The following IL1RAPL2 variants were observed in gnomAD, a reference collection of about 807,000 sequenced individuals.
IL1RAPL2 encodes the protein X-linked interleukin-1 receptor accessory protein-like 2.
In IL1RAPL2, 3 loss-of-function variants were observed where a neutral mutation model predicts 44.1. The observed-to-expected ratio is 0.07, with a 90% confidence interval of 0.03 to 0.18. The LOEUF (loss-of-function observed/expected upper bound fraction) is 0.18. Among genes scored for constraint, IL1RAPL2 ranks in the 10% least tolerant of loss-of-function variants. The pLI is 1.00. For missense variants in IL1RAPL2, 391 were observed against 496.4 expected, an observed-to-expected ratio of 0.79 and a Z score of 2.02; for synonymous variants, 181 against 178.8, an observed-to-expected ratio of 1.01 and a Z score of -0.10.
intron 2 of IL1RAPL2, among the ~76,000 whole-genome samples, chrX:104,755,392 C>T (rs765668825): frequency 9.3e-6 from 1 of 107,719 alleles, no homozygotes; most frequent in African/African-American, 3.4e-5. Flanking sequence ...ATCATAAAAA[C>T]AAAAAAAAAT....
At chrX:105,360,297 A>G (rs2035238662) in intron 5 of IL1RAPL2, among the ~76,000 whole-genome samples, 1 of 111,167 alleles carries the variant, frequency 9.0e-6, no homozygotes, top group Non-Finnish European at 1.9e-5. Context: ...GCCTATGTCA[A>G]TTGGATTGAT....
intron 5 of IL1RAPL2, among the ~76,000 whole-genome samples, chrX:105,481,035 G>T (rs897461804): frequency 2.7e-5 from 3 of 111,997 alleles, no homozygotes; most frequent in African/African-American, 6.5e-5. Context: ...AGGGGGAAAA[G>T]GTGTATATGT....
chrX:104,886,050 G>A (rs766329682), intron 2 of IL1RAPL2, among the ~76,000 whole-genome samples: 1 of 112,903 alleles, frequency 8.9e-6, no homozygotes, highest in Non-Finnish European at 1.9e-5. Flanking sequence ...CACTGGCACA[G>A]CCTTCTCAGT....
chrX:105,400,011 G>C (rs1476281059), intron 5 of IL1RAPL2, among the ~76,000 whole-genome samples: 1 of 111,277 alleles, frequency 9.0e-6, no homozygotes, highest in African/African-American at 3.3e-5. Flanking sequence ...TGGGAAGTGA[G>C]AACAGTCTCC....
intron 2 of IL1RAPL2, among the ~76,000 whole-genome samples, chrX:104,759,800 TAACA>T (rs1932397401): frequency 1.8e-5 from 2 of 111,848 alleles, no homozygotes; most frequent in Admixed American, 9.5e-5. Context: ...TTCCATTGAG[TAACA>T]AACAATTCAG....
chrX:105,242,927 C>T (rs1556210057), intron 4 of IL1RAPL2, among the ~76,000 whole-genome samples: 3 of 109,995 alleles, frequency 2.7e-5, no homozygotes, highest in Non-Finnish European at 3.8e-5. Flanking sequence ...TGTGAAACTC[C>T]GTCTCTACTA....
At chrX:104,861,400 G>A (rs1288201340) in intron 2 of IL1RAPL2, among the ~76,000 whole-genome samples, 1 of 111,446 alleles carries the variant, frequency 9.0e-6, no homozygotes, top group African/African-American at 3.3e-5. Flanking sequence ...TCCCTTTATA[G>A]TGGAAGACAG....
chrX:104,596,883 C>G (rs746947867), intron 1 of IL1RAPL2, among the ~76,000 whole-genome samples: 1 of 111,248 alleles, frequency 9.0e-6, no homozygotes, highest in Non-Finnish European at 1.9e-5. Context: ...TTCAAAGTAG[C>G]TGAGGCATAC....
chrX:105,225,524 A>T (rs947998645), intron 3 of IL1RAPL2, among the ~76,000 whole-genome samples: 16 of 111,067 alleles, frequency 1.4e-4, no homozygotes, highest in Middle Eastern at 4.7e-3. Flanking sequence ...TATGCCAGGC[A>T]CTGTGCTATG....
intron 2 of IL1RAPL2, among the ~76,000 whole-genome samples, chrX:105,102,543 CACTT>C (rs1384715768): frequency 7.1e-5 from 8 of 112,024 alleles, no homozygotes; most frequent in African/African-American, 2.3e-4. Context: ...TGTGTACACA[CACTT>C]ACATAACCAA....
At chrX:104,582,597 T>TC (rs1928382356) in intron 1 of IL1RAPL2, among the ~76,000 whole-genome samples, 16 of 28,614 alleles carry the variant, frequency 5.6e-4, no homozygotes, top group Middle Eastern at 0.015. Context: ...TTTCTTTCTT[T>TC]TTCTTTCTTT....
chrX:104,839,637 G>T (rs1012641475), intron 2 of IL1RAPL2, among the ~76,000 whole-genome samples: 4 of 111,816 alleles, frequency 3.6e-5, no homozygotes, highest in Admixed American at 9.5e-5. Flanking sequence ...TTTTTCAATT[G>T]TTTGGAGTAG....
At chrX:105,392,317 G>A in intron 5 of IL1RAPL2, among the ~76,000 whole-genome samples, 1 of 110,282 alleles carries the variant, frequency 9.1e-6, no homozygotes, top group African/African-American at 3.3e-5. Flanking sequence ...AATATTCTTA[G>A]GTAGCAGAGG....
intron 6 of IL1RAPL2, among the ~76,000 whole-genome samples, chrX:105,687,603 G>A (rs908203434): frequency 1.8e-5 from 2 of 111,189 alleles, no homozygotes; most frequent in Non-Finnish European, 3.8e-5. Flanking sequence ...ACCAAAAAAA[G>A]TCCAGGACCA....
At chrX:105,006,144 A>C (rs2030937780) in intron 2 of IL1RAPL2, among the ~76,000 whole-genome samples, 1 of 110,942 alleles carries the variant, frequency 9.0e-6, no homozygotes, top group African/African-American at 3.3e-5. Flanking sequence ...TTGCAAATGC[A>C]ATTATCAGCT....
At chrX:104,819,104 C>T (rs772906004) in intron 2 of IL1RAPL2, among the ~76,000 whole-genome samples, 26 of 111,780 alleles carry the variant, frequency 2.3e-4, no homozygotes, top group Admixed American at 2.0e-3. Flanking sequence ...TTTAGAGTGC[C>T]GTATCCTAAA....
intron 2 of IL1RAPL2, among the ~76,000 whole-genome samples, chrX:104,692,023 C>T (rs1009569359): frequency 8.9e-6 from 1 of 111,737 alleles, no homozygotes. Flanking sequence ...GAAGTGGAAT[C>T]TTGCTCTCTT....
intron 5 of IL1RAPL2, among the ~76,000 whole-genome samples, chrX:105,320,223 C>T (rs1283847360): frequency 2.7e-5 from 3 of 111,828 alleles, no homozygotes; most frequent in East Asian, 2.8e-4. Context: ...AGAACTCTTA[C>T]ATTGAACTGA....
At chrX:104,919,017 G>C (rs922523482) in intron 2 of IL1RAPL2, among the ~76,000 whole-genome samples, 1 of 111,357 alleles carries the variant, frequency 9.0e-6, no homozygotes, top group Non-Finnish European at 1.9e-5. Context: ...AAAATTCATA[G>C]ATGATAATCT....
Sources: gnomAD v4.1 joint callset for allele counts (sites outside exome capture counted in the v4.1 genomes callset) on GRCh38, gnomAD v4.1.1 for gene constraint, MANE v1.5 for transcripts, NCBI Gene and HGNC (gene_info 2026-07-23, HGNC 2026-07-21) for gene names.